SEMA3E: variants seen among roughly 807,000 people sequenced by gnomAD.
SEMA3E encodes the protein semaphorin-3E.
Under a neutral mutation model 93.6 loss-of-function variants are expected in SEMA3E, and 49 were observed. The ratio of observed to expected loss-of-function variants is 0.52; its 90% CI spans 0.42 to 0.66. The LOEUF (loss-of-function observed/expected upper bound fraction) is 0.66. Ranked by LOEUF, SEMA3E falls within the 30% of genes least tolerant of loss-of-function variation. The pLI is 0.00. For missense variants in SEMA3E, 906 were observed against 964.8 expected (o/e 0.94, Z 0.81); for synonymous variants, 363 against 330.7 (o/e 1.10, Z -1.06).
intron 1 of SEMA3E, chr7:83,641,289 C>T (rs988726540): frequency 5.1e-6 from 3 of 587,264 alleles, no homozygotes; most frequent in Admixed American, 6.3e-5. Flanking sequence ...TTGTTGAATG[C>T]CTACTAAGTG....
intron 1 of SEMA3E, among the ~76,000 whole-genome samples, chr7:83,542,226 C>G (rs571109352): frequency 6.6e-6 from 1 of 151,850 alleles, no homozygotes; most frequent in Non-Finnish European, 1.5e-5. Context: ...GTGGCACACT[C>G]CTGTACTCTT....
At chr7:83,478,828 T>C (rs1790077212) in intron 2 of SEMA3E, among the ~76,000 whole-genome samples, 1 of 152,212 alleles carries the variant, frequency 6.6e-6, no homozygotes, top group Non-Finnish European at 1.5e-5. Flanking sequence ...GACAGGAAGT[T>C]GATCTCAAAG....
At chr7:83,394,988 CA>C (rs1788094370) in intron 12 of SEMA3E, among the ~76,000 whole-genome samples, 1 of 152,160 alleles carries the variant, frequency 6.6e-6, no homozygotes, top group Non-Finnish European at 1.5e-5. Context: ...TGGAAAACCA[CA>C]AGACAGGTGA....
At chr7:83,431,288 C>G (rs1788878410) in intron 4 of SEMA3E, among the ~76,000 whole-genome samples, 1 of 151,154 alleles carries the variant, frequency 6.6e-6, no homozygotes, top group Admixed American at 6.6e-5. Flanking sequence ...CTCTCTGTAT[C>G]TGAAATGTAA....
intron 2 of SEMA3E, among the ~76,000 whole-genome samples, chr7:83,476,140 A>G (rs1365072951): frequency 6.6e-6 from 1 of 152,236 alleles, no homozygotes; most frequent in Non-Finnish European, 1.5e-5. Flanking sequence ...TCTTAAGCAC[A>G]GTCTCTGCTT....
intron 4 of SEMA3E, among the ~76,000 whole-genome samples, chr7:83,436,928 A>G (rs1052627793): frequency 6.6e-5 from 10 of 152,204 alleles, no homozygotes; most frequent in Non-Finnish European, 1.3e-4. Context: ...AGGAAGCCTC[A>G]CAATCATAGC....
intron 1 of SEMA3E, among the ~76,000 whole-genome samples, chr7:83,529,817 G>T (rs1791248663): frequency 6.6e-6 from 1 of 151,880 alleles, no homozygotes; most frequent in Non-Finnish European, 1.5e-5. Context: ...GAAAATTTGG[G>T]CATTCGTATG....
intron 1 of SEMA3E, among the ~76,000 whole-genome samples, chr7:83,541,538 G>A (rs1791531694): frequency 6.6e-6 from 1 of 152,124 alleles, no homozygotes; most frequent in African/African-American, 2.4e-5. Context: ...GGCAGAAATA[G>A]AAGTCACTGT....
intron 2 of SEMA3E, among the ~76,000 whole-genome samples, chr7:83,482,001 AG>A (rs1445718732): frequency 6.6e-6 from 1 of 152,170 alleles, no homozygotes; most frequent in Non-Finnish European, 1.5e-5. Context: ...AGTTTCAAAA[AG>A]TACCACTATT....
In SEMA3E at chr7:83,367,792, G is replaced by T; in HGVS notation, c.2122C>A (p.Pro708Thr). 1.2e-6 allele frequency: 2 copies of T among 1,614,068 alleles called. No homozygotes were observed. The highest frequency in any genetic ancestry group is 1.7e-6 in the Non-Finnish European group (2 of 1,179,998). Residue 708 changes from proline (P) to threonine (T), a missense_variant, in exon 17 of 17, where the codon CCA becomes ACA. By Grantham distance (38) the Pro-to-Thr change is conservative (BLOSUM62 -1). Transcript: ENST00000643230. Reference sequence around the variant, plus strand: ...AGCTGCAAGAATTCCTTGTACCATGGTTTTGCTCCCTGCGAGATGCTACTC... The same window carrying T: ...AGCTGCAAGAATTCCTTGTACCATGTTTTTGCTCCCTGCGAGATGCTACTC... Reference protein sequence around the residue: ...AQSSISQGAKPWYKEFLQLIG... With the variant: ...AQSSISQGAKTWYKEFLQLIG...
At chr7:83,488,244 G>A (rs1414071569) in intron 2 of SEMA3E, among the ~76,000 whole-genome samples, 1 of 151,974 alleles carries the variant, frequency 6.6e-6, no homozygotes, top group Non-Finnish European at 1.5e-5. Context: ...GGAGAATGAA[G>A]AGAAGAAAAG....
chr7:83,420,862 T>C (rs1238291141), intron 4 of SEMA3E, among the ~76,000 whole-genome samples: 1 of 99,000 alleles, frequency 1.0e-5, no homozygotes, highest in Non-Finnish European at 2.6e-5. Context: ...CCTCTAACTA[T>C]AAGAATCCTA....
intron 5 of SEMA3E, among the ~76,000 whole-genome samples, chr7:83,415,751 C>T (rs561716878): frequency 2.6e-5 from 4 of 152,024 alleles, no homozygotes; most frequent in Non-Finnish European, 5.9e-5. Context: ...GGTCAAGCAG[C>T]TTTATGAGTA....
chr7:83,524,482 A>T (rs1034682430), intron 1 of SEMA3E, among the ~76,000 whole-genome samples: 2 of 152,114 alleles, frequency 1.3e-5, no homozygotes, highest in Non-Finnish European at 2.9e-5. Context: ...TTTAGAGAGC[A>T]CATTTGTGCA....
At chr7:83,392,742 T>A (rs1788043370) in intron 13 of SEMA3E, 21 bp from the exon 14 acceptor site, 6 of 1,612,588 alleles carry the variant, frequency 3.7e-6, no homozygotes, top group Non-Finnish European at 5.1e-6. Flanking sequence ...CAGAAAGAGG[T>A]CACTAGCAGA....
At chr7:83,456,402 C>A (rs73174516) in intron 4 of SEMA3E, among the ~76,000 whole-genome samples, 17,730 of 152,042 alleles carry the variant, frequency 0.12, 1,088 homozygotes, top group Non-Finnish European at 0.14. Flanking sequence ...CAGGGACACT[C>A]ATTTTATTCT....
At chr7:83,509,705 A>G (rs1003533425) in intron 1 of SEMA3E, among the ~76,000 whole-genome samples, 3 of 152,262 alleles carry the variant, frequency 2.0e-5, no homozygotes, top group Admixed American at 2.0e-4. Flanking sequence ...TAAAATGTTG[A>G]TGCCTGGGAC....
chr7:83,513,730 A>G (rs1790872380), intron 1 of SEMA3E, among the ~76,000 whole-genome samples: 1 of 152,212 alleles, frequency 6.6e-6, no homozygotes, highest in African/African-American at 2.4e-5. Context: ...TAATTATAAA[A>G]CATGTCTAGA....
chr7:83,456,297 G>A (rs967314623), intron 4 of SEMA3E, among the ~76,000 whole-genome samples: 1 of 152,116 alleles, frequency 6.6e-6, no homozygotes, highest in Non-Finnish European at 1.5e-5. Context: ...TGAGATGTGA[G>A]TAAAATCAGA....
Sources: gnomAD v4.1 joint callset for allele counts (sites outside exome capture counted in the v4.1 genomes callset) on GRCh38, gnomAD v4.1.1 for gene constraint, MANE v1.5 for transcripts, NCBI Gene and HGNC (gene_info 2026-07-23, HGNC 2026-07-21) for gene names.